The following FHIT variants were observed in gnomAD, a reference collection of about 807,000 sequenced individuals.
The protein encoded by FHIT is bis(5'-adenosyl)-triphosphatase.
A neutral mutation model predicts 17.9 loss-of-function variants in FHIT; 19 were observed. The observed-to-expected ratio is 1.06, with a 90% CI of 0.74 to 1.56. FHIT has a LOEUF of 1.56. Among genes scored for constraint, FHIT ranks in the 40% most tolerant of loss-of-function variants. FHIT has a pLI of 0.00. For synonymous variants in FHIT, 81 were observed against 69.7 expected (o/e 1.16, Z -0.81); for missense variants, 248 against 189.2 (o/e 1.31, Z -1.82).
intron 2 of FHIT, among the ~76,000 whole-genome samples, chr3:61,076,296 C>T (rs2034969204): frequency 6.6e-6 from 1 of 152,110 alleles, no homozygotes; most frequent in African/African-American, 2.4e-5. Context: ...ATTCATCAGC[C>T]CCAAGAGGTG....
At chr3:60,868,101 T>A (rs1704243420) in intron 3 of FHIT, among the ~76,000 whole-genome samples, 1 of 151,990 alleles carries the variant, frequency 6.6e-6, no homozygotes, top group African/African-American at 2.4e-5. Flanking sequence ...CATAAGAAGG[T>A]TGGAAAGGCA....
intron 4 of FHIT, among the ~76,000 whole-genome samples, chr3:60,627,036 G>A (rs1368000219): frequency 6.6e-6 from 1 of 151,914 alleles, no homozygotes; most frequent in Admixed American, 6.6e-5. Context: ...GCATTTCTGG[G>A]ATAAATTCCA....
intron 4 of FHIT, chr3:60,690,653 C>T (rs557079825): frequency 1.6e-5 from 8 of 510,396 alleles, no homozygotes; most frequent in African/African-American, 3.9e-5. Flanking sequence ...GCAAACAGCT[C>T]GAAGGAGACG....
At chr3:59,828,397 T>G (rs910667909) in intron 8 of FHIT, among the ~76,000 whole-genome samples, 3 of 152,200 alleles carry the variant, frequency 2.0e-5, no homozygotes, top group Non-Finnish European at 4.4e-5. Flanking sequence ...CAATATAATT[T>G]TGGTTTTCTG....
chr3:60,137,596 C>T (rs1347282778), intron 5 of FHIT, among the ~76,000 whole-genome samples: 2 of 152,112 alleles, frequency 1.3e-5, no homozygotes, highest in Admixed American at 6.6e-5. Flanking sequence ...AGGGCACTGA[C>T]ACTGATGGAG....
At chr3:61,141,180 G>A (rs565156806) in intron 2 of FHIT, among the ~76,000 whole-genome samples, 5 of 152,116 alleles carry the variant, frequency 3.3e-5, no homozygotes, top group Non-Finnish European at 4.4e-5. Flanking sequence ...GCCGACTCTC[G>A]GGGGTATCAC....
intron 3 of FHIT, among the ~76,000 whole-genome samples, chr3:61,034,589 C>T (rs1351973770): frequency 6.6e-6 from 1 of 152,166 alleles, no homozygotes; most frequent in African/African-American, 2.4e-5. Flanking sequence ...CATGCTACTT[C>T]ACACCTAATA....
chr3:60,042,253 C>T (rs992710764), intron 5 of FHIT, among the ~76,000 whole-genome samples: 2 of 152,214 alleles, frequency 1.3e-5, no homozygotes, highest in African/African-American at 4.8e-5. Context: ...ACTGAAAAAG[C>T]ATTTTGAATG....
intron 1 of FHIT, among the ~76,000 whole-genome samples, chr3:61,240,738 G>C (rs1170913096): frequency 6.6e-6 from 1 of 152,170 alleles, no homozygotes; most frequent in Non-Finnish European, 1.5e-5. Flanking sequence ...GCCAATTACA[G>C]TGCCCCCTTC....
chr3:60,433,878 T>G (rs1416170995), intron 5 of FHIT, among the ~76,000 whole-genome samples: 1 of 152,134 alleles, frequency 6.6e-6, no homozygotes, highest in Non-Finnish European at 1.5e-5. Flanking sequence ...GCTTTTCCAC[T>G]CTGTTGACTG....
At chr3:61,198,432 G>C (rs1331753386) in intron 2 of FHIT, among the ~76,000 whole-genome samples, 4 of 152,062 alleles carry the variant, frequency 2.6e-5, no homozygotes, top group Middle Eastern at 3.2e-3. Context: ...GCAGGCCCCT[G>C]AGTAGGGCCC....
At chr3:60,169,611 G>C (rs1359567422) in intron 5 of FHIT, among the ~76,000 whole-genome samples, 5 of 152,154 alleles carry the variant, frequency 3.3e-5, no homozygotes. Context: ...CCCTTTCAAA[G>C]GTTAGAATAA....
At chr3:61,204,165 T>C (rs145779264) in intron 1 of FHIT, among the ~76,000 whole-genome samples, 2 of 152,254 alleles carry the variant, frequency 1.3e-5, no homozygotes, top group Non-Finnish European at 2.9e-5. Flanking sequence ...TGTTTTTGAA[T>C]ATAAAGTATA....
chr3:59,944,514 CT>C (rs5849312), intron 7 of FHIT, among the ~76,000 whole-genome samples: 23,732 of 150,132 alleles, frequency 0.16, 2,521 homozygotes, highest in East Asian at 0.32. Context: ...ACATTTTTTT[CT>C]TTTTTTTTTA....
chr3:60,238,278 C>T (rs1397058197), intron 5 of FHIT, among the ~76,000 whole-genome samples: 1 of 151,560 alleles, frequency 6.6e-6, no homozygotes, highest in Non-Finnish European at 1.5e-5. Flanking sequence ...ATAATAAAGC[C>T]CTTAAGTATT....
At chr3:60,178,243 A>C (rs73097579) in intron 5 of FHIT, among the ~76,000 whole-genome samples, 39,259 of 151,900 alleles carry the variant, frequency 0.26, 5,126 homozygotes, top group East Asian at 0.33. Context: ...TATTTCACAA[A>C]TGTTAACTTC....
At chr3:59,936,927 T>A (rs1431307631) in intron 7 of FHIT, among the ~76,000 whole-genome samples, 2 of 152,160 alleles carry the variant, frequency 1.3e-5, no homozygotes, top group Non-Finnish European at 2.9e-5. Flanking sequence ...TTTCCAGTGC[T>A]AACAAAGAAA....
chr3:59,868,233 A>G (rs1702749723), intron 8 of FHIT, among the ~76,000 whole-genome samples: 1 of 152,014 alleles, frequency 6.6e-6, no homozygotes, highest in Non-Finnish European at 1.5e-5. Context: ...CTCTACAAAC[A>G]CATTTTATGG....
intron 4 of FHIT, among the ~76,000 whole-genome samples, chr3:60,577,160 A>G (rs1176178745): frequency 6.6e-6 from 1 of 152,174 alleles, no homozygotes; most frequent in Non-Finnish European, 1.5e-5. Flanking sequence ...TTAACCTATC[A>G]TAAACATGAG....
Sources: allele counts gnomAD v4.1 joint callset (sites outside exome capture counted in the v4.1 genomes callset), GRCh38; gene constraint gnomAD v4.1.1; transcripts MANE v1.5; gene names NCBI Gene and HGNC (gene_info 2026-07-23, HGNC 2026-07-21).